The following GALNT14 variants were observed in gnomAD, a reference collection of about 807,000 sequenced individuals.
GALNT14 encodes UDP-GalNAc:polypeptide N-acetylgalactosaminyltransferase 14.
In GALNT14, 60 loss-of-function variants were observed where a neutral mutation model predicts 77.5. The observed-to-expected ratio is 0.77, with a 90% CI of 0.63 to 0.96. The LOEUF (loss-of-function observed/expected upper bound fraction) is 0.96. Among genes scored for constraint, GALNT14 ranks in the 40% least tolerant of loss-of-function variants. The probability of loss-of-function intolerance (pLI) is 0.00; values close to 1 mark genes in which losing one functional copy is unlikely to be tolerated. For synonymous variants in GALNT14, 280 were observed against 281.7 expected (o/e 0.99, Z 0.06); for missense variants, 710 against 731.0 (o/e 0.97, Z 0.33).
intron 1 of GALNT14, among the ~76,000 whole-genome samples, chr2:31,135,475 C>T (rs1466901233): frequency 6.6e-6 from 1 of 151,252 alleles, no homozygotes; most frequent in African/African-American, 2.4e-5. Context: ...AGATACAGAG[C>T]GACATACATA....
chr2:30,894,990 C>G, the GALNT14 span, among the ~76,000 whole-genome samples: 2 of 152,180 alleles, frequency 1.3e-5, no homozygotes, highest in Non-Finnish European at 2.9e-5. Flanking sequence ...GAGGCTGGGT[C>G]TGAGAGTTTT....
At chr2:31,114,961 T>A (rs945815747) in intron 1 of GALNT14, 2 of 614,524 alleles carry the variant, frequency 3.3e-6, no homozygotes, top group Admixed American at 2.8e-5. Context: ...TGGAAAACCA[T>A]CCAGGCCAGG....
intron 6 of GALNT14, among the ~76,000 whole-genome samples, chr2:30,953,404 G>A (rs1031370262): frequency 3.3e-5 from 5 of 150,128 alleles, no homozygotes; most frequent in African/African-American, 1.2e-4. Context: ...TGCCTCCCTG[G>A]TTCAAGCGAT....
chr2:31,002,326 A>G (rs1216624746), intron 1 of GALNT14, among the ~76,000 whole-genome samples: 1 of 152,020 alleles, frequency 6.6e-6, no homozygotes, highest in Non-Finnish European at 1.5e-5. Flanking sequence ...GCTACTTGGG[A>G]GGCTGAGGCA....
chr2:31,119,218 G>A (rs1007351077), intron 1 of GALNT14, among the ~76,000 whole-genome samples: 3 of 152,012 alleles, frequency 2.0e-5, no homozygotes, highest in Non-Finnish European at 4.4e-5. Context: ...AGACATATTC[G>A]ACTGTATTTT....
chr2:31,089,342 T>C (rs1472982863), intron 1 of GALNT14, among the ~76,000 whole-genome samples: 4 of 152,130 alleles, frequency 2.6e-5, no homozygotes, highest in East Asian at 3.9e-4. Context: ...ACCAATGACA[T>C]AGTGATGGTC....
downstream of GALNT14, among the ~76,000 whole-genome samples, chr2:30,909,363 G>GA (rs1664241766): frequency 6.6e-6 from 1 of 151,566 alleles, no homozygotes; most frequent in Non-Finnish European, 1.5e-5. Flanking sequence ...AAATTTACAA[G>GA]AAAAAAACAA....
chr2:30,902,568 G>C, the GALNT14 span, among the ~76,000 whole-genome samples: 2 of 152,168 alleles, frequency 1.3e-5, no homozygotes, highest in South Asian at 2.1e-4. Context: ...CCCTGGGGCT[G>C]AGGCCTTTAT....
At chr2:31,024,285 C>T (rs1242111023) in intron 1 of GALNT14, among the ~76,000 whole-genome samples, 1 of 152,154 alleles carries the variant, frequency 6.6e-6, no homozygotes. Flanking sequence ...CACACAGCAG[C>T]CAAGAAGAGT....
At chr2:31,035,599 AT>A in intron 1 of GALNT14, among the ~76,000 whole-genome samples, 1 of 114,738 alleles carries the variant, frequency 8.7e-6, no homozygotes, top group African/African-American at 4.2e-5. Context: ...ACATATACAT[AT>A]ACACACACAC....
At chr2:31,048,004 T>G (rs1673585049) in intron 1 of GALNT14, among the ~76,000 whole-genome samples, 2 of 152,238 alleles carry the variant, frequency 1.3e-5, no homozygotes, top group Admixed American at 1.3e-4. Context: ...ACCAGTTCCC[T>G]GGGACTCCAG....
At chr2:31,061,134 T>C (rs984081739) in intron 1 of GALNT14, among the ~76,000 whole-genome samples, 1 of 152,094 alleles carries the variant, frequency 6.6e-6, no homozygotes, top group Non-Finnish European at 1.5e-5. Flanking sequence ...CTCAACCCCT[T>C]ACCAGACATC....
chr2:30,944,689 C>T (rs1274872109), intron 8 of GALNT14, among the ~76,000 whole-genome samples, 169 bp downstream of exon 8: 1 of 152,108 alleles, frequency 6.6e-6, no homozygotes, highest in African/African-American at 2.4e-5. Context: ...GCAAGAAGTC[C>T]CCAAGAGGAT....
intron 1 of GALNT14, among the ~76,000 whole-genome samples, chr2:31,115,862 A>C (rs983816414): frequency 6.6e-6 from 1 of 152,044 alleles, no homozygotes; most frequent in Admixed American, 6.5e-5. Context: ...TTTTAAAATA[A>C]AAAAAATTAA....
At chr2:30,901,090 A>G in the GALNT14 span, among the ~76,000 whole-genome samples, 1 of 152,246 alleles carries the variant, frequency 6.6e-6, no homozygotes, top group African/African-American at 2.4e-5. Flanking sequence ...AAATCAATGT[A>G]TAAGTCCATT....
intron 1 of GALNT14, among the ~76,000 whole-genome samples, chr2:31,081,617 G>C (rs1417437268): frequency 6.6e-6 from 1 of 152,168 alleles, no homozygotes; most frequent in Non-Finnish European, 1.5e-5. Context: ...ATACACATTT[G>C]TTTGATTAGC....
In GALNT14 at chr2:30,983,520, G is replaced by GAGGT. The variant is rs142405198; in HGVS notation, c.299+9317_299+9318insACCT. On this transcript the variant is annotated intron_variant, in intron 2 of 14. Transcript: ENST00000349752. ...AATGTAGGAGGCAAACTTAGGGAGG[G>GAGGT]AGAAGGGAAATCTGTCCCCAGAACA... Among the ~76,000 whole-genome samples, 794 of 152,288 alleles carry GAGGT rather than the reference G, an allele frequency of 5.2e-3. 16 individuals carry two copies. The highest frequency in any genetic ancestry group is 0.044 in the South Asian group (211 of 4,822).
intron 2 of GALNT14, among the ~76,000 whole-genome samples, chr2:30,981,983 G>C (rs1040487588): frequency 6.6e-6 from 1 of 152,150 alleles, no homozygotes; most frequent in African/African-American, 2.4e-5. Context: ...AAAATATCCA[G>C]AAGAAAGGCA....
intron 1 of GALNT14, chr2:31,114,921 C>T (rs1678029361): frequency 4.6e-6 from 3 of 657,840 alleles, no homozygotes; most frequent in Admixed American, 2.5e-5. Flanking sequence ...CAGTCATACA[C>T]CATCTGCAAA....
Sources: gnomAD v4.1 joint callset for allele counts (sites outside exome capture counted in the v4.1 genomes callset) on GRCh38, gnomAD v4.1.1 for gene constraint, MANE v1.5 for transcripts, NCBI Gene and HGNC (gene_info 2026-07-23, HGNC 2026-07-21) for gene names.